IL1RAPL1: variants seen among roughly 807,000 people sequenced by gnomAD.
The protein encoded by IL1RAPL1 is interleukin-1 receptor accessory protein-like 1.
IL1RAPL1 carries 3 observed loss-of-function variants against 48.4 expected under a neutral mutation model. The observed-to-expected ratio is 0.06, with a 90% CI of 0.03 to 0.16. The LOEUF is 0.16. IL1RAPL1 is among the 10% of genes least tolerant of loss of function. The probability of loss-of-function intolerance (pLI) is 1.00; values close to 1 mark genes in which losing one functional copy is unlikely to be tolerated. For synonymous variants in IL1RAPL1, 185 were observed against 187.7 expected (o/e 0.99, Z 0.12); for missense variants, 349 against 530.6 (o/e 0.66, Z 3.36).
intron 1 of IL1RAPL1, among the ~76,000 whole-genome samples, chrX:28,591,105 C>G (rs1933903697): frequency 9.0e-6 from 1 of 111,626 alleles, no homozygotes; most frequent in South Asian, 3.7e-4. Context: ...CATCTATTTT[C>G]TATTTTATTT....
intron 9 of IL1RAPL1, among the ~76,000 whole-genome samples, chrX:29,950,808 C>T (rs1390262929): frequency 9.1e-6 from 1 of 109,582 alleles, no homozygotes; most frequent in Non-Finnish European, 1.9e-5. Flanking sequence ...TCCCGAGTAG[C>T]TGGGACTACA....
At chrX:28,926,838 A>T (rs1439344216) in intron 2 of IL1RAPL1, among the ~76,000 whole-genome samples, 1 of 110,336 alleles carries the variant, frequency 9.1e-6, no homozygotes, top group African/African-American at 3.3e-5. Context: ...CATTTCCCTC[A>T]TTTTTTCATC....
At chrX:29,050,911 A>G (rs1205084101) in intron 2 of IL1RAPL1, among the ~76,000 whole-genome samples, 1 of 112,499 alleles carries the variant, frequency 8.9e-6, no homozygotes, top group Non-Finnish European at 1.9e-5. Flanking sequence ...ATGTTTGAGA[A>G]TCAATGAAAA....
chrX:28,627,948 T>C (rs1375714736), intron 1 of IL1RAPL1, among the ~76,000 whole-genome samples: 4 of 111,660 alleles, frequency 3.6e-5, no homozygotes, highest in Non-Finnish European at 7.5e-5. Context: ...TAGCTACTGC[T>C]GTGAAGCAAA....
intron 2 of IL1RAPL1, among the ~76,000 whole-genome samples, chrX:28,899,591 A>T (rs1490118901): frequency 1.8e-5 from 2 of 112,124 alleles, no homozygotes; most frequent in East Asian, 5.6e-4. Context: ...TATGTGGGAG[A>T]CTATAACCTC....
At chrX:29,601,955 G>C (rs971444125) in intron 5 of IL1RAPL1, among the ~76,000 whole-genome samples, 1 of 111,916 alleles carries the variant, frequency 8.9e-6, no homozygotes, top group African/African-American at 3.2e-5. Context: ...TTTCTTTGGA[G>C]TATTCATTTG....
At chrX:28,634,871 T>A (rs1934446413) in intron 1 of IL1RAPL1, among the ~76,000 whole-genome samples, 1 of 111,833 alleles carries the variant, frequency 8.9e-6, no homozygotes, top group African/African-American at 3.2e-5. Flanking sequence ...ATATCATTTA[T>A]ACCTACTTTT....
chrX:28,829,812 C>T (rs1921003358), intron 2 of IL1RAPL1, among the ~76,000 whole-genome samples: 1 of 110,703 alleles, frequency 9.0e-6, no homozygotes, highest in Non-Finnish European at 1.9e-5. Flanking sequence ...CCCACCTCGG[C>T]CTCCCAAAGT....
intron 6 of IL1RAPL1, among the ~76,000 whole-genome samples, chrX:29,673,195 T>C (rs932150253): frequency 1.8e-5 from 2 of 112,098 alleles, no homozygotes; most frequent in African/African-American, 6.5e-5. Context: ...TCTGTGTTAG[T>C]AAACTTGGGA....
At chrX:28,759,107 G>A (rs1441198892) in intron 1 of IL1RAPL1, among the ~76,000 whole-genome samples, 1 of 110,807 alleles carries the variant, frequency 9.0e-6, no homozygotes, top group Non-Finnish European at 1.9e-5. Context: ...GTGTGGTGGT[G>A]GGCACCTGTA....
intron 2 of IL1RAPL1, among the ~76,000 whole-genome samples, chrX:28,926,235 A>T (rs1401975758): frequency 1.8e-5 from 2 of 112,319 alleles, no homozygotes; most frequent in Non-Finnish European, 3.8e-5. Flanking sequence ...AGAAAGTTCT[A>T]CTGAAGAGTA....
intron 5 of IL1RAPL1, among the ~76,000 whole-genome samples, chrX:29,537,626 T>TA (rs149419868): frequency 0.088 from 7,318 of 83,383 alleles, 472 homozygotes; most frequent in African/African-American, 0.21. Flanking sequence ...GAATATTTGG[T>TA]AAAAAAAAAA....
intron 5 of IL1RAPL1, among the ~76,000 whole-genome samples, chrX:29,639,185 CA>C (rs57219766): frequency 1.6e-3 from 83 of 53,271 alleles, no homozygotes; most frequent in East Asian, 7.5e-3. Flanking sequence ...GACTCCGTCT[CA>C]AAAAAAAAAA....
At chrX:29,609,987 A>G (rs1394034397) in intron 5 of IL1RAPL1, among the ~76,000 whole-genome samples, 1 of 111,253 alleles carries the variant, frequency 9.0e-6, no homozygotes, top group Non-Finnish European at 1.9e-5. Flanking sequence ...TTGAAGAGAG[A>G]GTGATTGGCA....
chrX:29,548,872 A>G (rs1050830029), intron 5 of IL1RAPL1, among the ~76,000 whole-genome samples: 1 of 112,149 alleles, frequency 8.9e-6, no homozygotes, highest in African/African-American at 3.2e-5. Flanking sequence ...AATAAAGGCT[A>G]TGAACATTGA....
chrX:29,290,071 CATTT>C (rs1932347607), intron 3 of IL1RAPL1, among the ~76,000 whole-genome samples: 1 of 111,415 alleles, frequency 9.0e-6, no homozygotes, highest in Non-Finnish European at 1.9e-5. Context: ...AAAGAACATC[CATTT>C]ATTCACTCAT....
At chrX:29,485,039 A>G (rs1466921404) in intron 5 of IL1RAPL1, among the ~76,000 whole-genome samples, 2 of 112,028 alleles carry the variant, frequency 1.8e-5, no homozygotes, top group African/African-American at 6.5e-5. Context: ...TGAATTCAAG[A>G]ATTAGATTAT....
chrX:29,602,466 T>C (rs1044359676), intron 5 of IL1RAPL1, among the ~76,000 whole-genome samples: 1 of 112,005 alleles, frequency 8.9e-6, no homozygotes, highest in Non-Finnish European at 1.9e-5. Flanking sequence ...CCACAAATAC[T>C]CTCATTACTG....
chrX:29,223,205 A>G (rs191323811), intron 2 of IL1RAPL1, among the ~76,000 whole-genome samples: 1,350 of 111,937 alleles, frequency 0.012, 16 homozygotes, highest in Non-Finnish European at 0.019. Flanking sequence ...ACTTTAAAAG[A>G]CTTACAAGGT....
Sources: allele counts gnomAD v4.1 joint callset (sites outside exome capture counted in the v4.1 genomes callset), GRCh38; gene constraint gnomAD v4.1.1; transcripts MANE v1.5; gene names NCBI Gene and HGNC (gene_info 2026-07-23, HGNC 2026-07-21).